SDK2: variants seen among roughly 807,000 people sequenced by gnomAD.
SDK2 encodes the protein sidekick cell adhesion molecule 2, also known as protein sidekick-2.
A neutral mutation model predicts 253.9 loss-of-function variants in SDK2; 105 were observed. That is an observed-to-expected ratio of 0.41 (90% confidence interval 0.35 to 0.49). SDK2 has a LOEUF of 0.49. Among genes scored for constraint, SDK2 ranks in the 20% least tolerant of loss-of-function variants. The pLI is 0.06. For missense variants in SDK2, 2,608 were observed against 3,003.0 expected, an observed-to-expected ratio of 0.87 and a Z score of 3.07; for synonymous variants, 1,249 against 1,234.9, an observed-to-expected ratio of 1.01 and a Z score of -0.24.
intron 3 of SDK2, among the ~76,000 whole-genome samples, chr17:73,471,908 C>T (rs1041646367): frequency 3.9e-5 from 6 of 152,308 alleles, no homozygotes; most frequent in Non-Finnish European, 7.3e-5. Context: ...CTTACAGCTG[C>T]GTGACCTTGA....
intron 22 of SDK2, 123 bp downstream of exon 22, chr17:73,399,043 GTA>G: frequency 1.1e-6 from 1 of 908,342 alleles, no homozygotes. Flanking sequence ...AGCATTTGGA[GTA>G]TAATGGGCCA....
At chr17:73,460,290 G>A (rs542441388) in intron 3 of SDK2, among the ~76,000 whole-genome samples, 7 of 152,318 alleles carry the variant, frequency 4.6e-5, no homozygotes, top group Non-Finnish European at 7.3e-5. Flanking sequence ...CAGCACCAAC[G>A]CTGGACATGT....
intron 2 of SDK2, among the ~76,000 whole-genome samples, chr17:73,473,399 T>C (rs747189064): frequency 8.2e-4 from 125 of 152,160 alleles, no homozygotes; most frequent in Admixed American, 1.8e-3. Context: ...CCCTAGGCAA[T>C]GGTCCCACAG....
chr17:73,437,895 C>A lies in SDK2; in HGVS notation c.916+69G>T, dbSNP rs753179297. 9 of 1,606,444 alleles carry A rather than the reference C, an allele frequency of 5.6e-6. No homozygotes were observed. The Admixed American group carries it at 1.5e-4, about 27-fold the overall frequency. On this transcript the variant is annotated intron_variant, in intron 7 of 44. Coordinates refer to ENST00000392650, the MANE Select transcript of SDK2 (RefSeq NM_001144952.2). ...GATCCAGCCACTGTAGGGGGTCACCCTTAAGGAGGACCCTCGCCGTGCTGC... is the reference window on the plus strand; with the variant it reads ...GATCCAGCCACTGTAGGGGGTCACCATTAAGGAGGACCCTCGCCGTGCTGC...
At chr17:73,538,158 C>T (rs2044810296) in intron 1 of SDK2, among the ~76,000 whole-genome samples, 1 of 152,220 alleles carries the variant, frequency 6.6e-6, no homozygotes, top group Non-Finnish European at 1.5e-5. Flanking sequence ...AGTAATAGCA[C>T]AGACTCAGAA....
intron 1 of SDK2, among the ~76,000 whole-genome samples, chr17:73,603,212 T>C (rs1006860839): frequency 6.6e-6 from 1 of 151,700 alleles, no homozygotes; most frequent in African/African-American, 2.4e-5. Flanking sequence ...AGGTGAAGAG[T>C]CTCCAGGTCC....
At chr17:73,424,415 G>A (rs1292016258) in intron 12 of SDK2, among the ~76,000 whole-genome samples, 1 of 152,132 alleles carries the variant, frequency 6.6e-6, no homozygotes, top group African/African-American at 2.4e-5. Context: ...GCCAGTGAAA[G>A]GTATTCTTCT....
chr17:73,572,937 T>C (rs912474394), intron 1 of SDK2, among the ~76,000 whole-genome samples: 3 of 152,156 alleles, frequency 2.0e-5, no homozygotes, highest in Non-Finnish European at 4.4e-5. Context: ...TAATGGCGCC[T>C]TCTTATCTCT....
chr17:73,485,524 T>C (rs564227089), intron 2 of SDK2, among the ~76,000 whole-genome samples: 53 of 152,236 alleles, frequency 3.5e-4, no homozygotes, highest in African/African-American at 1.2e-3. Context: ...TTCCTGAGGA[T>C]AGTAGAAATA....
In SDK2 at chr17:73,338,928, C is replaced by T. The variant is rs140123379; in HGVS notation, c.6178G>A (p.Glu2060Lys). 9.9e-6 allele frequency: 16 copies of T among 1,613,980 alleles called. No homozygotes were observed. The highest frequency in any genetic ancestry group is 6.7e-5 in the Admixed American group (4 of 60,016). Reference protein sequence around the residue: ...EISDSQGSDSEYEVDSNHQKA... With the variant: ...EISDSQGSDSKYEVDSNHQKA... ...TGGTGGTTTGAGTCGACCTCGTACT[C>T]GCTGTCACTTCCCTGGGAGGACAGA... is the stretch of plus-strand genomic sequence containing the variant. Residue 2060 changes from glutamate (E) to lysine (K), a missense_variant, in exon 45 of 45, where the codon GAG becomes AAG. By Grantham distance (56) the Glu-to-Lys change is moderately conservative. This residue lies in a region of SDK2 where 1,103 missense variants were observed against 1,143.9 expected (regional missense o/e 0.96). Coordinates refer to ENST00000392650, the MANE Select transcript of SDK2 (RefSeq NM_001144952.2). The surrounding 1 kb of genome is among the most constrained non-coding windows in gnomAD (Gnocchi z 5.0).
rs2046435286 is a variant in SDK2, at chr17:73,644,219, T to C, written c.-131A>G. 1 of 731,174 alleles carries C rather than the reference T, an allele frequency of 1.4e-6. No homozygotes were observed. The highest frequency in any genetic ancestry group is 1.8e-5 in the African/African-American group (1 of 57,016). The allele number at this position is 731,174 out of a possible 1,614,324, so 45.3% of individuals were successfully genotyped here. A position where few individuals can be genotyped will look rare whatever the true frequency, so the allele number is the denominator to read the frequency against. The stretch of plus-strand genomic sequence containing the variant: ...GTCTACGCGGCTCCGTGCCCCGGGG[T>C]GTAATATGCCCGGGAGGGGCAGCGC... On this transcript the variant is annotated 5_prime_UTR_variant, in exon 1 of 45. Transcript: ENST00000392650. This position sits in a 1 kb window ranked among gnomAD's most constrained non-coding sequence, Gnocchi z 6.3.
At chr17:73,504,296 G>A (rs971542861) in intron 2 of SDK2, 1 of 106,776 alleles carries the variant, frequency 9.4e-6, no homozygotes, top group African/African-American at 3.2e-5. Flanking sequence ...GGGAAAGAAA[G>A]AGAGAGGGAA....
At position 73,358,184 on chromosome 17, in the gene SDK2, C is replaced by G. The variant is rs146597384; in HGVS notation, c.5488G>C (p.Val1830Leu). 1 of 1,606,658 alleles carries G rather than the reference C, an allele frequency of 6.2e-7. No homozygotes were observed. Among genetic ancestry groups the G allele is most frequent in the South Asian group, 1.1e-5 (1 of 89,876 alleles). ...GAGCTGTACCGCACGATGATGGGCACGCCAGGCGGTCCTGGGGCACCTGCA... is the reference window on the plus strand; with the variant it reads ...GAGCTGTACCGCACGATGATGGGCAGGCCAGGCGGTCCTGGGGCACCTGCA... ...PGEGAPGPPG[V>L]PIIVRYSSAI... The change falls in exon 40 of 45, where the codon GTG (valine) becomes CTG (leucine). Residue 1830 changes from valine to leucine, a missense_variant. Coordinates refer to ENST00000392650, the MANE Select transcript of SDK2 (RefSeq NM_001144952.2).
intron 1 of SDK2, among the ~76,000 whole-genome samples, chr17:73,596,114 C>G (rs59676662): frequency 0.013 from 1,992 of 152,320 alleles, 30 homozygotes; most frequent in African/African-American, 0.036. Flanking sequence ...GATGCACACA[C>G]AGGGAGTCCC....
At chr17:73,590,768 G>C (rs2045670461) in intron 1 of SDK2, among the ~76,000 whole-genome samples, 2 of 152,224 alleles carry the variant, frequency 1.3e-5, no homozygotes, top group South Asian at 2.1e-4. Flanking sequence ...GGTAGAGGTT[G>C]TTAAGGGTAG....
intron 1 of SDK2, among the ~76,000 whole-genome samples, chr17:73,525,895 C>T (rs1404605828): frequency 6.6e-6 from 1 of 152,240 alleles, no homozygotes; most frequent in Non-Finnish European, 1.5e-5. Flanking sequence ...TCAGCAAATG[C>T]TTTTTGAGCA....
At chr17:73,519,432 C>T (rs2064057912) in intron 1 of SDK2, 1 of 152,296 alleles carries the variant, frequency 6.6e-6, no homozygotes, top group Admixed American at 6.5e-5. Context: ...GACCTCACCA[C>T]CCCCAGACGG....
chr17:73,436,587 A>AG (rs1381144980), intron 8 of SDK2, among the ~76,000 whole-genome samples: 2 of 145,522 alleles, frequency 1.4e-5, no homozygotes, highest in African/African-American at 5.1e-5. Context: ...AAAAAAAAAA[A>AG]AAAAAAAAAA....
In SDK2 at chr17:73,393,559, C is replaced by A. The variant is rs748182538; in HGVS notation, c.3898+1G>T. 6.4e-7 allele frequency: 1 copy of A among 1,553,768 alleles called. No individual in the cohort carries two copies. The highest frequency in any genetic ancestry group is 1.2e-5 in the South Asian group (1 of 82,002). On this transcript the variant is annotated splice_donor_variant, in intron 27 of 44. Transcript: ENST00000392650. LOFTEE classifies it high-confidence loss of function. The stretch of plus-strand genomic sequence containing the variant: ...CCAAGCTTGCTGGGATACGGACTCA[C>A]CATCATCCAGCGTCCGCTCCAGGAT...
Sources: allele counts gnomAD v4.1 joint callset (sites outside exome capture counted in the v4.1 genomes callset), GRCh38; gene constraint gnomAD v4.1.1; regional missense constraint gnomAD v4.1.1; non-coding constraint Gnocchi (gnomAD v3.1); transcripts MANE v1.5; gene names NCBI Gene and HGNC (gene_info 2026-07-23, HGNC 2026-07-21).